EYS: variants seen among roughly 807,000 people sequenced by gnomAD.
The protein encoded by EYS is EGF-like photoreceptor maintenance factor.
EYS carries 250 observed loss-of-function variants against 282.1 expected under a neutral mutation model. The ratio of observed to expected loss-of-function variants is 0.89; its 90% CI spans 0.80 to 0.98. The LOEUF (loss-of-function observed/expected upper bound fraction) is 0.98, where lower values mean the gene tolerates loss of function less well. Ranked by LOEUF, EYS falls within the 50% of genes least tolerant of loss-of-function variation. EYS has a pLI of 0.00. For synonymous variants in EYS, 1,355 were observed against 1,282.9 expected, an observed-to-expected ratio of 1.06 and a Z score of -1.20; for missense variants, 4,016 against 3,709.0, an observed-to-expected ratio of 1.08 and a Z score of -2.15.
chr6:64,115,131 A>G (rs1262592145), intron 31 of EYS, among the ~76,000 whole-genome samples: 1 of 152,162 alleles, frequency 6.6e-6, no homozygotes, highest in Admixed American at 6.5e-5. Context: ...ACCTCTGTAG[A>G]AGGTACATCT....
chr6:64,668,038 C>T lies in EYS; in HGVS notation c.3444-41793G>A, dbSNP rs139091007. 1.7e-3 allele frequency among the ~76,000 whole-genome samples: 265 copies of T among 152,240 alleles called. 1 individual carries two copies. The highest frequency in any genetic ancestry group is 6.8e-3 in the Middle Eastern group (2 of 294). ...GCGTAAGAATTTGCATCTATAATAA[C>T]TTCTCAGATAAGGTTACTGCTGCTC... On this transcript the variant is annotated intron_variant, in intron 22 of 42. Transcript: ENST00000503581.
intron 22 of EYS, among the ~76,000 whole-genome samples, chr6:64,789,815 C>T (rs781539649): frequency 1.3e-5 from 2 of 151,698 alleles, no homozygotes; most frequent in Non-Finnish European, 2.9e-5. Flanking sequence ...AGCAGATGCT[C>T]AGTAAGTATC....
At chr6:65,484,677 G>T (rs982658601) in intron 5 of EYS, among the ~76,000 whole-genome samples, 1 of 152,112 alleles carries the variant, frequency 6.6e-6, no homozygotes, top group Non-Finnish European at 1.5e-5. Flanking sequence ...CAGTAGGAAC[G>T]ACAGGAAATT....
chr6:64,896,189 C>T (rs1005257654), intron 18 of EYS, among the ~76,000 whole-genome samples: 9 of 152,108 alleles, frequency 5.9e-5, no homozygotes, highest in Non-Finnish European at 8.8e-5. Context: ...CCCAGAGAGA[C>T]GAACGCAGAA....
intron 12 of EYS, among the ~76,000 whole-genome samples, chr6:65,294,279 A>C (rs1183598420): frequency 6.6e-6 from 1 of 151,908 alleles, no homozygotes; most frequent in Non-Finnish European, 1.5e-5. Flanking sequence ...TTTACTTCTC[A>C]CTGTGTGAAG....
chr6:64,394,920 C>T (rs1328792107), intron 28 of EYS, among the ~76,000 whole-genome samples: 1 of 151,980 alleles, frequency 6.6e-6, no homozygotes, highest in Non-Finnish European at 1.5e-5. Context: ...ACAATGAACT[C>T]AAACAAATTT....
At position 64,230,720 on chromosome 6, in the gene EYS, G is replaced by A. The variant is rs2150337999; in HGVS notation, c.6296C>T (p.Ala2099Val). 6 of 1,551,556 alleles carry A rather than the reference G, an allele frequency of 3.9e-6. No homozygotes were observed. The highest frequency in any genetic ancestry group is 5.2e-6 in the Non-Finnish European group (6 of 1,146,886). ...MWTSVSPSVAAPSVCQQDVCH... is the reference protein window; with the variant it reads ...MWTSVSPSVAVPSVCQQDVCH... ...TACATCCTGCTGGCACACAGAGGGT[G>A]CTGCAACAGAGGGGCTGACAGAAGT... Residue 2099 changes from alanine to valine, a missense_variant, in exon 31 of 43, where the codon GCA (alanine) becomes GTA (valine). Ala to Val is a moderately conservative substitution (Grantham distance 64). Transcript: ENST00000503581.
At chr6:63,789,819 AC>A (rs1310639964) in intron 37 of EYS, among the ~76,000 whole-genome samples, 1 of 152,168 alleles carries the variant, frequency 6.6e-6, no homozygotes, top group Non-Finnish European at 1.5e-5. Context: ...GAGTTCCAGG[AC>A]CCAGAACACT....
intron 2 of EYS, among the ~76,000 whole-genome samples, chr6:65,619,206 G>C (rs1412678278): frequency 2.6e-5 from 4 of 151,524 alleles, no homozygotes; most frequent in Admixed American, 1.3e-4. Context: ...TCTTCCATTT[G>C]TTTGTATCCT....
intron 2 of EYS, among the ~76,000 whole-genome samples, chr6:65,619,542 T>G (rs182821894): frequency 0.01 from 1,556 of 152,302 alleles, 11 homozygotes; most frequent in Non-Finnish European, 0.015. Context: ...GAATACCCTT[T>G]ATTTCCTTCC....
chr6:64,278,907 C>T (rs1229782192), intron 30 of EYS, among the ~76,000 whole-genome samples: 2 of 152,122 alleles, frequency 1.3e-5, no homozygotes, highest in Non-Finnish European at 2.9e-5. Flanking sequence ...CACATGCCAC[C>T]ATGCCTGGCT....
intron 16 of EYS, among the ~76,000 whole-genome samples, chr6:64,904,079 GA>G (rs1397552568): frequency 6.9e-6 from 1 of 144,806 alleles, no homozygotes; most frequent in African/African-American, 2.9e-5. Context: ...AATAACAGAA[GA>G]AACTACAAGA....
At chr6:64,168,165 G>A (rs192478835) in intron 31 of EYS, among the ~76,000 whole-genome samples, 1 of 152,180 alleles carries the variant, frequency 6.6e-6, no homozygotes, top group Non-Finnish European at 1.5e-5. Context: ...GGACGCTGAG[G>A]CAGGAGAATG....
At chr6:64,753,771 A>T (rs1772840595) in intron 22 of EYS, among the ~76,000 whole-genome samples, 1 of 152,088 alleles carries the variant, frequency 6.6e-6, no homozygotes, top group Non-Finnish European at 1.5e-5. Flanking sequence ...AGATGTCTAC[A>T]GAACATGCTA....
At chr6:65,057,148 G>A (rs1411691706) in intron 13 of EYS, among the ~76,000 whole-genome samples, 1 of 151,854 alleles carries the variant, frequency 6.6e-6, no homozygotes, top group East Asian at 1.9e-4. Flanking sequence ...GGCAAAGCAA[G>A]GATTTGTTTA....
intron 37 of EYS, among the ~76,000 whole-genome samples, chr6:63,794,365 T>C (rs1039881361): frequency 6.6e-6 from 1 of 152,224 alleles, no homozygotes; most frequent in Admixed American, 6.5e-5. Context: ...ACAGAAGTAG[T>C]ACAATTTTTC....
At chr6:64,788,180 G>A (rs981446429) in intron 22 of EYS, among the ~76,000 whole-genome samples, 2 of 152,078 alleles carry the variant, frequency 1.3e-5, no homozygotes, top group South Asian at 2.1e-4. Context: ...AGTTATTTAG[G>A]CATTTACAGA....
At chr6:65,633,302 A>G (rs887928633) in intron 2 of EYS, among the ~76,000 whole-genome samples, 3 of 152,192 alleles carry the variant, frequency 2.0e-5, no homozygotes, top group Non-Finnish European at 4.4e-5. Context: ...AGTGTGCTAT[A>G]TTTCATTTTG....
chr6:64,275,723 G>C (rs1046777484), intron 30 of EYS, among the ~76,000 whole-genome samples: 1 of 151,464 alleles, frequency 6.6e-6, no homozygotes, highest in Non-Finnish European at 1.5e-5. Context: ...TTGGGAGGCC[G>C]AGGCGGGCGG....
Sources: gnomAD v4.1 joint callset for allele counts (sites outside exome capture counted in the v4.1 genomes callset) on GRCh38, gnomAD v4.1.1 for gene constraint, MANE v1.5 for transcripts, NCBI Gene and HGNC (gene_info 2026-07-23, HGNC 2026-07-21) for gene names.